MCOLN2: variants seen among roughly 807,000 people sequenced by gnomAD.
MCOLN2 encodes mucolipin-2.
Under a neutral mutation model 67.5 loss-of-function variants are expected in MCOLN2, and 57 were observed. That is an observed-to-expected ratio of 0.84 (90% CI 0.68 to 1.05). The LOEUF is 1.05. Among genes scored for constraint, MCOLN2 ranks in the 50% least tolerant of loss-of-function variants. The pLI is 0.00. For synonymous variants in MCOLN2, 246 were observed against 233.3 expected (o/e 1.05, Z -0.50); for missense variants, 620 against 678.8 (o/e 0.91, Z 0.96).
chr1:84,953,705 A>G (rs201607150), intron 4 of MCOLN2, among the ~76,000 whole-genome samples: 20,016 of 152,144 alleles, frequency 0.13, 1,625 homozygotes, highest in East Asian at 0.26. Context: ...TCAAGTAAAA[A>G]CAGATTATGA....
At chr1:84,939,463 A>C in intron 9 of MCOLN2, 90 bp downstream of exon 9, 1 of 1,278,752 alleles carries the variant, frequency 7.8e-7, no homozygotes, top group South Asian at 1.4e-5. Context: ...ACGAGAATCA[A>C]AGTGGTCTCC....
intron 1 of MCOLN2, among the ~76,000 whole-genome samples, chr1:84,977,629 TAAG>T (rs1268216171): frequency 6.6e-6 from 1 of 151,974 alleles, no homozygotes; most frequent in Non-Finnish European, 1.5e-5. Flanking sequence ...ACAACAACTA[TAAG>T]AAGAGACAAA....
At chr1:84,984,696 G>A (rs987430653) in intron 1 of MCOLN2, among the ~76,000 whole-genome samples, 8 of 152,080 alleles carry the variant, frequency 5.3e-5, no homozygotes, top group Non-Finnish European at 1.2e-4. Flanking sequence ...AATACCAAAG[G>A]ATAAAATAAC....
At position 84,956,579 on chromosome 1, in the gene MCOLN2, A is replaced by T; in HGVS notation, c.417T>A (p.His139Gln). Residue 139 changes from histidine to glutamine, a missense_variant, in exon 4 of 14, where the codon CAT becomes CAA. Coordinates refer to ENST00000370608, the MANE Select transcript of MCOLN2 (RefSeq NM_153259.4). ...ESIFFAINQYHQLKDITLGTL... is the reference protein window; with the variant it reads ...ESIFFAINQYQQLKDITLGTL... ...TCCCCAGGGTAATGTCCTTTAGCTG[A>T]TGATACTATTAAAAAATAGTCAAGT... is the stretch of plus-strand genomic sequence containing the variant. 2.5e-6 allele frequency: 4 copies of T among 1,577,076 alleles called. No homozygotes were observed. Among genetic ancestry groups the T allele is most frequent in the Non-Finnish European group, 2.6e-6 (3 of 1,168,762 alleles).
At chr1:84,962,542 T>C (rs558410742) in intron 2 of MCOLN2, among the ~76,000 whole-genome samples, 1 of 152,178 alleles carries the variant, frequency 6.6e-6, no homozygotes, top group East Asian at 1.9e-4. Flanking sequence ...GACCTCATCT[T>C]GAAAAAATAA....
At chr1:84,975,778 T>A (rs1571024173) in intron 1 of MCOLN2, among the ~76,000 whole-genome samples, 2 of 152,144 alleles carry the variant, frequency 1.3e-5, no homozygotes, top group Non-Finnish European at 2.9e-5. Flanking sequence ...CTCAAAGAAA[T>A]TCAAGATAAG....
At chr1:84,955,350 G>C (rs1335141382) in intron 4 of MCOLN2, among the ~76,000 whole-genome samples, 1 of 152,148 alleles carries the variant, frequency 6.6e-6, no homozygotes, top group African/African-American at 2.4e-5. Context: ...GTTAGGGAAT[G>C]GCTTTCACGG....
intron 6 of MCOLN2, among the ~76,000 whole-genome samples, chr1:84,951,863 A>T (rs34430554): frequency 0.42 from 63,426 of 152,122 alleles, 15,387 homozygotes; most frequent in Non-Finnish European, 0.56. Flanking sequence ...ACTTGAGGCC[A>T]GGAGTTCGAG....
Position 84,938,065 on chromosome 1 carries a change from A to T in MCOLN2, c.1128T>A (p.Asp376Glu). The change falls in exon 10 of 14, where the codon GAT becomes GAA. Residue 376 changes from aspartate (D) to glutamate (E), a missense_variant. By Grantham distance (45) the Asp-to-Glu change is conservative. Coordinates refer to ENST00000370608, the MANE Select transcript of MCOLN2 (RefSeq NM_153259.4). ...EIKAKNLTNY[D>E]LCSIFLGTST... is the part of the protein sequence containing the mutation. ...AGGTTCCAAGAAAAATGCTGCAGAG[A>T]TCATAGTTTGTGAGATTCTAAGGAA... 6.2e-7 allele frequency: 1 copy of T among 1,612,014 alleles called. No homozygotes were observed. The highest frequency in any genetic ancestry group is 8.5e-7 in the Non-Finnish European group (1 of 1,179,158).
intron 1 of MCOLN2, among the ~76,000 whole-genome samples, chr1:84,968,417 TAATA>T (rs1649488232): frequency 6.6e-6 from 1 of 152,152 alleles, no homozygotes; most frequent in Non-Finnish European, 1.5e-5. Flanking sequence ...CTTGGCACTC[TAATA>T]AATAACTTAT....
intron 1 of MCOLN2, among the ~76,000 whole-genome samples, chr1:84,991,618 C>T (rs760831267): frequency 2.6e-5 from 4 of 152,118 alleles, no homozygotes; most frequent in Non-Finnish European, 5.9e-5. Flanking sequence ...GCCATAGGGG[C>T]TTTTCATTTT....
At chr1:84,994,670 A>C (rs1296138831) in intron 1 of MCOLN2, among the ~76,000 whole-genome samples, 2 of 152,244 alleles carry the variant, frequency 1.3e-5, no homozygotes, top group African/African-American at 2.4e-5. Context: ...CTTTAGCTTT[A>C]GTGAATGTTG....
In MCOLN2 at chr1:84,939,625, C is replaced by T; in HGVS notation, c.1038G>A (p.Trp346Ter). 6.2e-7 allele frequency: 1 copy of T among 1,613,954 alleles called. No homozygotes were observed. Among genetic ancestry groups the T allele is most frequent in the African/African-American group, 1.3e-5 (1 of 75,026 alleles). ...GGTCGCTGATAATCACCAGGACATA[C>T]CAGCCGTTGATGAACTCCCACTGGT... ...DTDQWEFING[W>*]YVLVIISDLM... The change falls in exon 9 of 14, where the codon TGG (tryptophan) becomes TGA (stop). Residue 346 changes from tryptophan to a stop codon, truncating the protein, a stop_gained. Transcript: ENST00000370608. LOFTEE classifies it high-confidence loss of function.
In MCOLN2 at chr1:84,997,048, A is replaced by C; in HGVS notation, c.-176T>G. The C allele has an allele frequency of 1.6e-6, 1 of 613,460 alleles. No individual in the cohort carries two copies. The highest frequency in any genetic ancestry group is 1.9e-5 in the African/African-American group (1 of 53,676). 38.0% of individuals were successfully genotyped at this position (613,460 alleles called of 1,614,324 possible). ...CGTGGTGCGCGCAGACCCCGGCCCG[A>C]GAGCAGGCGCCGCAGTCGTGGAGTG... On this transcript the variant is annotated 5_prime_UTR_variant, in exon 1 of 14. Transcript: ENST00000370608.
At chr1:84,943,236 T>G (rs766573250) in intron 7 of MCOLN2, among the ~76,000 whole-genome samples, 3 of 152,090 alleles carry the variant, frequency 2.0e-5, no homozygotes, top group African/African-American at 7.2e-5. Context: ...GCCTGGTCTC[T>G]AACTGGACTT....
intron 7 of MCOLN2, among the ~76,000 whole-genome samples, chr1:84,945,078 G>A (rs985584685): frequency 4.6e-5 from 7 of 152,128 alleles, no homozygotes; most frequent in Non-Finnish European, 1.0e-4. Context: ...TCTTAAAAGA[G>A]CTTTTACCCA....
chr1:84,981,021 G>A (rs547671910), intron 1 of MCOLN2, among the ~76,000 whole-genome samples: 5 of 152,194 alleles, frequency 3.3e-5, no homozygotes, highest in African/African-American at 1.2e-4. Flanking sequence ...CTCAAAAGAA[G>A]ACATACAAAT....
Position 84,965,614 on chromosome 1 carries a change from C to T in MCOLN2, c.172G>A (p.Ala58Thr). The T allele has an allele frequency of 6.2e-7, 1 of 1,614,100 alleles. No individual in the cohort carries two copies. The highest frequency in any genetic ancestry group is 1.3e-5 in the African/African-American group (1 of 75,056). Residue 58 changes from alanine (A) to threonine (T), a missense_variant, in exon 2 of 14, where the codon GCC becomes ACC. Ala to Thr is a moderately conservative substitution (Grantham distance 58, BLOSUM62 0). Coordinates refer to ENST00000370608, the MANE Select transcript of MCOLN2 (RefSeq NM_153259.4). ...AGTTTCCACGGAATCTGGCGTCTGG[C>T]TCGGTATTTTTCACAAGGGCTCATG... ...YFMSPCEKYR[A>T]RRQIPWKLGL...
chr1:84,977,403 T>C lies in MCOLN2; in HGVS notation c.78-11695A>G, dbSNP rs568942898. On this transcript the variant is annotated intron_variant, in intron 1 of 13. Transcript: ENST00000370608. ...AGGTCCTTAATTATCAATAATAACA[T>C]TGATGTAAATGGACTAAACTCTCCA... 4.6e-5 allele frequency among the ~76,000 whole-genome samples: 7 copies of C among 151,958 alleles called. No individual in the cohort carries two copies. In the East Asian group the frequency reaches 1.2e-3, roughly 25 times the overall value.
Sources: gnomAD v4.1 joint callset for allele counts (sites outside exome capture counted in the v4.1 genomes callset) on GRCh38, gnomAD v4.1.1 for gene constraint, MANE v1.5 for transcripts, NCBI Gene and HGNC (gene_info 2026-07-23, HGNC 2026-07-21) for gene names.